Variants in TMEM70 observed in about 807,000 individuals in gnomAD.
TMEM70 encodes the protein transmembrane protein 70, also known as transmembrane protein 70, mitochondrial.
Under a neutral mutation model 20.5 loss-of-function variants are expected in TMEM70, and 15 were observed. That is an observed-to-expected ratio of 0.73 (90% CI 0.49 to 1.13). The LOEUF is 1.13. TMEM70 is among the 50% of genes most tolerant of loss of function. The pLI is 0.00. For synonymous variants in TMEM70, 141 were observed against 134.2 expected (o/e 1.05, Z -0.35); for missense variants, 344 against 331.7 (o/e 1.04, Z -0.29).
chr8:73,979,601 A>AT (rs1307645132), intron 2 of TMEM70, among the ~76,000 whole-genome samples: 1 of 152,030 alleles, frequency 6.6e-6, no homozygotes, highest in Non-Finnish European at 1.5e-5. Context: ...TTTAGAAGCC[A>AT]TTTTTTAAAA....
rs780111064 is a variant in TMEM70 at position 73,981,266 on chromosome 8, T to G, written c.428T>G (p.Ile143Arg). 4 of 1,614,144 alleles carry G rather than the reference T, an allele frequency of 2.5e-6. No individual in the cohort carries two copies. The East Asian group carries it at 6.7e-5, about 27-fold the overall frequency. ...AGTGTGCCTCTGCCTATTCAAATCA[T>G]ATTCTATGGCATCATGGGAAGCTTT... ...SESVPLPIQI[I>R]FYGIMGSFTV... is the part of the protein sequence containing the mutation. The change falls in exon 3 of 3, where the codon ATA becomes AGA. Residue 143 changes from isoleucine (I) to arginine (R), a missense_variant. By Grantham distance (97) the Ile-to-Arg change is moderately conservative (BLOSUM62 -3). Coordinates refer to ENST00000312184, the MANE Select transcript of TMEM70 (RefSeq NM_017866.6).
chr8:73,982,471 T>G lies in TMEM70; in HGVS notation c.*850T>G. On this transcript the variant is annotated 3_prime_UTR_variant, in exon 3 of 3. Transcript: ENST00000312184. ...AGATGGAAGTCACCATTGCAAATGCTTAAGTCAACTGTTTTCATAAATTGA... is the reference window on the plus strand; with the variant it reads ...AGATGGAAGTCACCATTGCAAATGCGTAAGTCAACTGTTTTCATAAATTGA... 1 of 742,644 alleles carries G rather than the reference T, an allele frequency of 1.3e-6. No homozygotes were observed. The highest frequency in any genetic ancestry group is 1.3e-5 in the South Asian group (1 of 75,138). The allele number at this position is 742,644 out of a possible 1,614,324, so 46.0% of individuals were successfully genotyped here.
At chr8:73,980,353 AT>A (rs921304476) in intron 2 of TMEM70, among the ~76,000 whole-genome samples, 42 of 150,812 alleles carry the variant, frequency 2.8e-4, no homozygotes, top group African/African-American at 9.5e-4. Flanking sequence ...AAGAAATTGA[AT>A]ACCTTTCCCA....
Position 73,978,776 on chromosome 8 carries a change from A to G in TMEM70, c.231A>G (p.Gly77=). The change falls in exon 2 of 3, where the codon GGA becomes GGG. Residue 77 remains glycine, a synonymous_variant. Coordinates refer to ENST00000312184, the MANE Select transcript of TMEM70 (RefSeq NM_017866.6). ...AATAGATCCCTGTTTATTGGGAAGG[A>G]TATGTTCGATTCTTAAATACGCCAT... ...GRAQIPVYWE[G]YVRFLNTPSD... 3 of 1,613,932 alleles carry G rather than the reference A, an allele frequency of 1.9e-6. No homozygotes were observed. Among genetic ancestry groups the G allele is most frequent in the Non-Finnish European group, 2.5e-6 (3 of 1,179,862 alleles).
intron 1 of TMEM70, among the ~76,000 whole-genome samples, chr8:73,978,109 C>T (rs555722908): frequency 6.6e-6 from 1 of 151,970 alleles, no homozygotes; most frequent in East Asian, 2.0e-4. Context: ...TTTTTTGAGA[C>T]GGAGTCGTGC....
At position 73,978,815 on chromosome 8, in the gene TMEM70, A is replaced by C; in HGVS notation, c.270A>C (p.Glu90Asp). ...RFLNTPSDKSEDGRLIYTGNM... is the reference protein window; with the variant it reads ...RFLNTPSDKSDDGRLIYTGNM... ...TAAATACGCCATCTGACAAATCAGA[A>C]GATGGAAGGCTAATTTATACTGGCA... Residue 90 changes from glutamate to aspartate, a missense_variant, in exon 2 of 3, where the codon GAA (glutamate) becomes GAC (aspartate). By Grantham distance (45) the Glu-to-Asp change is conservative. Coordinates refer to ENST00000312184, the MANE Select transcript of TMEM70 (RefSeq NM_017866.6). 2 of 1,614,164 alleles carry C rather than the reference A, an allele frequency of 1.2e-6. No homozygotes were observed. Among genetic ancestry groups the C allele is most frequent in the South Asian group, 2.2e-5 (2 of 91,084 alleles).
Position 73,981,951 on chromosome 8 carries a change from T to G in TMEM70, c.*330T>G, listed in dbSNP as rs1360264719. 1 of 491,578 alleles carries G rather than the reference T, an allele frequency of 2.0e-6. No homozygotes were observed. Among genetic ancestry groups the G allele is most frequent in the Non-Finnish European group, 4.0e-6 (1 of 252,454 alleles). The allele number at this position is 491,578 out of a possible 1,614,324, so 30.5% of individuals were successfully genotyped here. A position where few individuals can be genotyped will look rare whatever the true frequency, so the allele number is the denominator to read the frequency against. ...TGCTTTATTCTTTGTGTATGGATTT[T>G]TCTAAGTGTATAAATATTTTCCGAC... On this transcript the variant is annotated 3_prime_UTR_variant, in exon 3 of 3. Transcript: ENST00000312184.
rs1450564593 is a variant in TMEM70 at position 73,982,188 on chromosome 8, A to G, written c.*567A>G. On this transcript the variant is annotated 3_prime_UTR_variant, in exon 3 of 3. Coordinates refer to ENST00000312184, the MANE Select transcript of TMEM70 (RefSeq NM_017866.6). Reference sequence around the variant, plus strand: ...AGAGGTGGCAATTCACCGAATTCATATCACTCTAACGAGTTGCAACGTAAA... The same window carrying G: ...AGAGGTGGCAATTCACCGAATTCATGTCACTCTAACGAGTTGCAACGTAAA... 3.6e-6 allele frequency: 2 copies of G among 551,124 alleles called. No homozygotes were observed. Among genetic ancestry groups the G allele is most frequent in the Admixed American group, 1.9e-5 (1 of 52,742 alleles). The allele number at this position is 551,124 out of a possible 1,614,324, so 34.1% of individuals were successfully genotyped here.
intron 2 of TMEM70, 26 bp downstream of exon 2, chr8:73,978,887 T>C (rs745424552): frequency 1.2e-6 from 2 of 1,612,680 alleles, no homozygotes; most frequent in Non-Finnish European, 1.7e-6. Flanking sequence ...TGGGTGTACT[T>C]ACTTTGTTTT....
chr8:73,978,970 TA>T (rs1260295568), intron 2 of TMEM70, 109 bp downstream of exon 2: 10 of 1,327,936 alleles, frequency 7.5e-6, no homozygotes, highest in Middle Eastern at 1.8e-4. Context: ...TTACAAGACG[TA>T]AGGAAAATTA....
rs149499528 is a variant in TMEM70 at position 73,981,270 on chromosome 8, C to T, written c.432C>T (p.Phe144=). Residue 144 remains phenylalanine (F), a synonymous_variant, in exon 3 of 3, where the codon TTC becomes TTT. Coordinates refer to ENST00000312184, the MANE Select transcript of TMEM70 (RefSeq NM_017866.6). ...TGCCTCTGCCTATTCAAATCATATTCTATGGCATCATGGGAAGCTTTACGG... is the reference window on the plus strand; with the variant it reads ...TGCCTCTGCCTATTCAAATCATATTTTATGGCATCATGGGAAGCTTTACGG... ...ESVPLPIQII[F]YGIMGSFTVI... The T allele has an allele frequency of 9.3e-6, 15 of 1,614,034 alleles. No individual in the cohort carries two copies. Among genetic ancestry groups the T allele is most frequent in the Admixed American group, 1.7e-5 (1 of 60,022 alleles).
At chr8:73,979,511 T>A (rs1414581333) in intron 2 of TMEM70, among the ~76,000 whole-genome samples, 7 of 152,250 alleles carry the variant, frequency 4.6e-5, no homozygotes, top group Admixed American at 1.3e-4. Context: ...AAAGGTAAGG[T>A]AAATTTACAT....
At chr8:73,979,366 C>T (rs1316543982) in intron 2 of TMEM70, among the ~76,000 whole-genome samples, 5 of 152,112 alleles carry the variant, frequency 3.3e-5, no homozygotes, top group Admixed American at 6.6e-5. Flanking sequence ...GTAACTTCCC[C>T]TCATTGCTTT....
chr8:73,980,548 G>A (rs1239444536), intron 2 of TMEM70, among the ~76,000 whole-genome samples: 2 of 151,980 alleles, frequency 1.3e-5, no homozygotes, highest in African/African-American at 4.8e-5. Context: ...TGTATTGTTA[G>A]TAGAGATGGG....
intron 1 of TMEM70, among the ~76,000 whole-genome samples, chr8:73,976,773 G>A (rs1482332081): frequency 1.3e-5 from 2 of 152,232 alleles, no homozygotes; most frequent in African/African-American, 4.8e-5. Flanking sequence ...TTCTGCCCTT[G>A]AGTAGAAGCT....
chr8:73,978,010 A>G (rs1231567588), intron 1 of TMEM70, among the ~76,000 whole-genome samples: 1 of 152,138 alleles, frequency 6.6e-6, no homozygotes, highest in Non-Finnish European at 1.5e-5. Flanking sequence ...TCTGTCAGCC[A>G]ATTTATTTCT....
rs746240334 is a variant in TMEM70, at chr8:73,981,525, T to G, written c.687T>G (p.Arg229=). The G allele has an allele frequency of 3.1e-6, 5 of 1,613,948 alleles. No individual in the cohort carries two copies. Among genetic ancestry groups the G allele is most frequent in the Admixed American group, 1.7e-5 (1 of 60,020 alleles). The change falls in exon 3 of 3, where the codon CGT becomes CGG. Residue 229 remains arginine (R), a synonymous_variant. Transcript: ENST00000312184. The part of the protein sequence containing the change: ...LLVNPVLFPN[R]EDYIHLMGYD... ...TTAATCCAGTGCTCTTTCCAAACCGTGAAGACTATATCCATCTAATGGGTT... is the reference window on the plus strand; with the variant it reads ...TTAATCCAGTGCTCTTTCCAAACCGGGAAGACTATATCCATCTAATGGGTT...
Position 73,978,861 on chromosome 8 carries a change from G to A in TMEM70, c.316G>A (p.Gly106Ser). 3 of 1,613,978 alleles carry A rather than the reference G, an allele frequency of 1.9e-6. No individual in the cohort carries two copies. Among genetic ancestry groups the A allele is most frequent in the East Asian group, 2.2e-5 (1 of 44,872 alleles). Residue 106 changes from glycine to serine, a missense_variant and splice_region_variant, in exon 2 of 3, where the codon GGT becomes AGT. Coordinates refer to ENST00000312184, the MANE Select transcript of TMEM70 (RefSeq NM_017866.6). Reference sequence around the variant, plus strand: ...TGGCAATATGGCCCGAGCAGTGTTTGGTAAGTAATTGGAGGTGGGTGTACT... The same window carrying A: ...TGGCAATATGGCCCGAGCAGTGTTTAGTAAGTAATTGGAGGTGGGTGTACT... ...YTGNMARAVF[G>S]VKCFSYSTSL...
rs748276573 is a variant in TMEM70 at position 73,981,498 on chromosome 8, A to T, written c.660A>T (p.Leu220Phe). ...TTTATGCTAAAACAAAATCACTGTTAGTTAATCCAGTGCTCTTTCCAAACC... is the reference window on the plus strand; with the variant it reads ...TTTATGCTAAAACAAAATCACTGTTTGTTAATCCAGTGCTCTTTCCAAACC... ...TTFYAKTKSLLVNPVLFPNRE... is the reference protein window; with the variant it reads ...TTFYAKTKSLFVNPVLFPNRE... The change falls in exon 3 of 3, where the codon TTA becomes TTT. Residue 220 changes from leucine (L) to phenylalanine (F), a missense_variant. Transcript: ENST00000312184. The T allele has an allele frequency of 1.2e-6, 2 of 1,613,596 alleles. No individual in the cohort carries two copies. Among genetic ancestry groups the T allele is most frequent in the East Asian group, 4.5e-5 (2 of 44,874 alleles).
Sources: allele counts gnomAD v4.1 joint callset (sites outside exome capture counted in the v4.1 genomes callset), GRCh38; gene constraint gnomAD v4.1.1; transcripts MANE v1.5; gene names NCBI Gene and HGNC (gene_info 2026-07-23, HGNC 2026-07-21).